The following SPATS1 variants were observed in gnomAD, a reference collection of about 807,000 sequenced individuals.
SPATS1 encodes the protein spermatogenesis associated serine rich 1, also known as spermatogenesis-associated serine-rich protein 1.
A neutral mutation model predicts 33.6 loss-of-function variants in SPATS1; 23 were observed. That is an observed-to-expected ratio of 0.68 (90% confidence interval 0.49 to 0.97). The LOEUF is 0.97. Among genes scored for constraint, SPATS1 ranks in the 50% least tolerant of loss-of-function variants. The pLI is 0.00. For missense variants in SPATS1, 327 were observed against 361.0 expected, an observed-to-expected ratio of 0.91 and a Z score of 0.76; for synonymous variants, 131 against 125.6, an observed-to-expected ratio of 1.04 and a Z score of -0.29.
At chr6:44,369,796 TGA>T (rs1392414575) in intron 6 of SPATS1, among the ~76,000 whole-genome samples, 155 of 151,828 alleles carry the variant, frequency 1.0e-3, no homozygotes, top group Non-Finnish European at 2.0e-3. Context: ...CACCTGAGCC[TGA>T]AAGGTCGAGG....
Position 44,343,117 on chromosome 6 carries a change from G to A in SPATS1, c.22G>A (p.Gly8Arg), listed in dbSNP as rs10948132. The A allele has an allele frequency of 0.3, 488,869 of 1,613,674 alleles. 80,070 individuals are homozygous for A. Among genetic ancestry groups the A allele is most frequent in the East Asian group, 0.59 (26,539 of 44,858 alleles). Residue 8 changes from glycine (G) to arginine (R), a missense_variant, in exon 2 of 9, where the codon GGA becomes AGA. Transcript: ENST00000674044. MSPSMLT[G>R]NSPRGCRLPS... ...ACAGATGAGTCCATCCATGCTCACT[G>A]GAAACAGTCCACGGGGCTGCCGTCT...
intron 6 of SPATS1, among the ~76,000 whole-genome samples, chr6:44,369,407 G>T (rs531991707): frequency 6.6e-6 from 1 of 151,942 alleles, no homozygotes; most frequent in Admixed American, 6.6e-5. Context: ...AAAATTAGCT[G>T]GGCACGGTGG....
At chr6:44,345,850 A>G (rs1216290786) in intron 2 of SPATS1, among the ~76,000 whole-genome samples, 1 of 152,192 alleles carries the variant, frequency 6.6e-6, no homozygotes, top group Non-Finnish European at 1.5e-5. Context: ...CGGAAGTCAC[A>G]TATGGCCAAA....
At chr6:44,367,694 T>C (rs1583092041) in intron 5 of SPATS1, among the ~76,000 whole-genome samples, 1 of 152,180 alleles carries the variant, frequency 6.6e-6, no homozygotes, top group East Asian at 1.9e-4. Flanking sequence ...TGTAAGTGTG[T>C]GGGTTGATTT....
Position 44,376,529 on chromosome 6 carries a change from TG to T in SPATS1, c.874+58del, listed in dbSNP as rs1277224956. 4.6e-5 allele frequency: 59 copies of T among 1,274,952 alleles called. No individual in the cohort carries two copies. In the African/African-American group the frequency reaches 8.1e-4, roughly 17 times the overall value. The allele number at this position is 1,274,952 out of a possible 1,614,324, so 79.0% of individuals were successfully genotyped here. A position where few individuals can be genotyped will look rare whatever the true frequency, so the allele number is the denominator to read the frequency against. ...AAAAACTGGAGGAGTCCGCCGGGTA[TG>T]GTGGCTCACTCCTGTAATCCCAGCA... On this transcript the variant is annotated intron_variant, in intron 8 of 8. Transcript: ENST00000674044.
intron 7 of SPATS1, among the ~76,000 whole-genome samples, chr6:44,373,200 C>T (rs13214191): frequency 0.18 from 27,054 of 152,144 alleles, 2,881 homozygotes; most frequent in East Asian, 0.43. Flanking sequence ...CTTGGATCTT[C>T]GGCTCCTCAA....
intron 3 of SPATS1, among the ~76,000 whole-genome samples, chr6:44,359,253 G>A (rs949968957): frequency 3.9e-5 from 6 of 152,116 alleles, no homozygotes; most frequent in African/African-American, 1.2e-4. Context: ...GAGCCACTGC[G>A]CCTGCCTGAT....
At chr6:44,366,358 A>G (rs1194893652) in intron 5 of SPATS1, among the ~76,000 whole-genome samples, 1 of 152,056 alleles carries the variant, frequency 6.6e-6, no homozygotes, top group Non-Finnish European at 1.5e-5. Context: ...TCCTGATGTC[A>G]GGTGATCCAC....
At chr6:44,360,812 T>C (rs1361537235) in intron 4 of SPATS1, among the ~76,000 whole-genome samples, 4 of 152,146 alleles carry the variant, frequency 2.6e-5, no homozygotes, top group Non-Finnish European at 5.9e-5. Context: ...ATATAGAGTA[T>C]AAAAACTCCT....
At chr6:44,368,104 T>G (rs1036958277) in intron 5 of SPATS1, among the ~76,000 whole-genome samples, 15 of 152,240 alleles carry the variant, frequency 9.9e-5, no homozygotes, top group African/African-American at 3.6e-4. Context: ...AAGAAACCTC[T>G]GATTCACCTT....
chr6:44,375,542 G>A (rs1789882214), intron 7 of SPATS1, among the ~76,000 whole-genome samples: 1 of 152,226 alleles, frequency 6.6e-6, no homozygotes, highest in Non-Finnish European at 1.5e-5. Flanking sequence ...GGGGATGGTG[G>A]CTCATGCCTG....
In SPATS1 at chr6:44,343,231, T is replaced by C; in HGVS notation, c.136T>C (p.Tyr46His). ...TGGCATGACCGAGGTGGAGAGGACC[T>C]ACAGTTGAGTTCTAAGAAATCCAGG... is the stretch of plus-strand genomic sequence containing the variant. The part of the protein sequence containing the change: ...DSGMTEVERT[Y>H]SANCSDFLES... Residue 46 changes from tyrosine to histidine, a missense_variant, in exon 2 of 9, where the codon TAC becomes CAC. Tyr to His is a moderately conservative substitution (Grantham distance 83). Transcript: ENST00000674044. The C allele has an allele frequency of 6.2e-7, 1 of 1,613,006 alleles. No individual in the cohort carries two copies. The highest frequency in any genetic ancestry group is 8.5e-7 in the Non-Finnish European group (1 of 1,179,734).
At chr6:44,361,088 A>G (rs1296576566) in intron 4 of SPATS1, among the ~76,000 whole-genome samples, 2 of 152,200 alleles carry the variant, frequency 1.3e-5, no homozygotes, top group Non-Finnish European at 2.9e-5. Context: ...TCAGTCATCC[A>G]TAAAGCCACA....
intron 7 of SPATS1, among the ~76,000 whole-genome samples, chr6:44,370,668 A>G (rs534515464): frequency 6.6e-6 from 1 of 152,278 alleles, no homozygotes; most frequent in South Asian, 2.1e-4. Context: ...ACAGTCTCCT[A>G]TGAGTGGGCA....
chr6:44,342,952 G>A, intron 1 of SPATS1, 144 bp from the exon 2 acceptor site: 2 of 1,261,216 alleles, frequency 1.6e-6, no homozygotes, highest in Non-Finnish European at 2.2e-6. Context: ...GGTGGAGGGA[G>A]TAAGGCTCCC....
At chr6:44,370,995 T>TTC (rs1561960768) in intron 7 of SPATS1, among the ~76,000 whole-genome samples, 1 of 150,320 alleles carries the variant, frequency 6.7e-6, no homozygotes, top group Non-Finnish European at 1.5e-5. Flanking sequence ...TTTTTTTTTT[T>TTC]CTTGAAGTAC....
intron 4 of SPATS1, chr6:44,361,419 G>A (rs1788914162): frequency 1.0e-6 from 1 of 985,378 alleles, no homozygotes; most frequent in Non-Finnish European, 1.2e-6. Context: ...TCCACTTGAG[G>A]TGCCATGTGG....
At chr6:44,374,202 A>G (rs954312844) in intron 7 of SPATS1, among the ~76,000 whole-genome samples, 1 of 152,236 alleles carries the variant, frequency 6.6e-6, no homozygotes, top group Non-Finnish European at 1.5e-5. Context: ...ATTCCACTTA[A>G]TCAGGATGGA....
intron 3 of SPATS1, among the ~76,000 whole-genome samples, chr6:44,353,232 T>C (rs937017573): frequency 6.6e-6 from 1 of 152,256 alleles, no homozygotes; most frequent in African/African-American, 2.4e-5. Context: ...ATTTTTGGGA[T>C]ATGTACATAC....
Sources: allele counts gnomAD v4.1 joint callset (sites outside exome capture counted in the v4.1 genomes callset), GRCh38; gene constraint gnomAD v4.1.1; transcripts MANE v1.5; gene names NCBI Gene and HGNC (gene_info 2026-07-23, HGNC 2026-07-21).